Variants in ITSN1 observed in about 807,000 individuals in gnomAD.
The protein encoded by ITSN1 is intersectin 1.
A neutral mutation model predicts 239.8 loss-of-function variants in ITSN1; 58 were observed. The observed-to-expected ratio is 0.24, with a 90% CI of 0.20 to 0.30. The LOEUF is 0.30. ITSN1 is among the 10% of genes least tolerant of loss of function. The probability of loss-of-function intolerance (pLI) is 1.00; values close to 1 mark genes in which losing one functional copy is unlikely to be tolerated. For missense variants in ITSN1, 1,558 were observed against 2,103.3 expected, an observed-to-expected ratio of 0.74 and a Z score of 5.07; for synonymous variants, 780 against 770.8, an observed-to-expected ratio of 1.01 and a Z score of -0.20.
chr21:33,876,064 T>C (rs73203607), intron 34 of ITSN1, among the ~76,000 whole-genome samples: 5 of 149,258 alleles, frequency 3.3e-5, no homozygotes, highest in South Asian at 2.1e-4. Context: ...ATTTCTTTCT[T>C]TCTCTTTCTC....
At chr21:33,645,467 C>T (rs1234877920) in intron 1 of ITSN1, among the ~76,000 whole-genome samples, 1 of 151,464 alleles carries the variant, frequency 6.6e-6, no homozygotes, top group Non-Finnish European at 1.5e-5. Context: ...ACAGGGAAAC[C>T]TGGTCTCTAA....
chr21:33,870,924 T>C (rs1017614885), intron 33 of ITSN1, among the ~76,000 whole-genome samples: 1 of 152,146 alleles, frequency 6.6e-6, no homozygotes, highest in Non-Finnish European at 1.5e-5. Flanking sequence ...TGCACTCTAA[T>C]CCCCCTGAGT....
In ITSN1 at chr21:33,826,741, G is replaced by C. The variant is rs556487175; in HGVS notation, c.3184-77G>C. ...GGGGCTTTGGGGCTCAAGCGGGTTTGTATCATCATTAATCGTTTTTAAAGT... is the reference window on the plus strand; with the variant it reads ...GGGGCTTTGGGGCTCAAGCGGGTTTCTATCATCATTAATCGTTTTTAAAGT... On this transcript the variant is annotated intron_variant, in intron 25 of 39. Coordinates refer to ENST00000381318, the MANE Select transcript of ITSN1 (RefSeq NM_003024.3). The C allele has an allele frequency of 6.4e-5, 87 of 1,362,294 alleles. 1 individual carries two copies. The East Asian group carries it at 1.9e-3, about 30-fold the overall frequency. The allele number at this position is 1,362,294 out of a possible 1,614,324, so 84.4% of individuals were successfully genotyped here.
In ITSN1 at chr21:33,699,474, C is replaced by G. The variant is rs569722825; in HGVS notation, c.-32-19323C>G. ...CTGGCTGGGCACGGTGCCTCATGCA[C>G]TTTGGGAGGCTGAGGCGGGCAGATT... On this transcript the variant is annotated intron_variant, in intron 1 of 39. Coordinates refer to ENST00000381318, the MANE Select transcript of ITSN1 (RefSeq NM_003024.3). 3.3e-5 allele frequency among the ~76,000 whole-genome samples: 5 copies of G among 152,280 alleles called. No homozygotes were observed. The South Asian group carries it at 1.0e-3, about 32-fold the overall frequency.
chr21:33,665,959 C>T (rs1271402666), intron 1 of ITSN1, among the ~76,000 whole-genome samples: 28 of 149,518 alleles, frequency 1.9e-4, no homozygotes, highest in African/African-American at 6.9e-4. Context: ...GAGGGAGTCT[C>T]GCTCTGTTGC....
At position 33,885,037 on chromosome 21, in the gene ITSN1, C is replaced by T; in HGVS notation, c.4677-4C>T. ...TGGCAACTTTCTGTCTTTTTCTGTC[C>T]AAGGACTGCCTGGGTGCAGAAAATC... On this transcript the variant is annotated splice_region_variant and splice_polypyrimidine_tract_variant and intron_variant, in intron 36 of 39. Coordinates refer to ENST00000381318, the MANE Select transcript of ITSN1 (RefSeq NM_003024.3). The T allele has an allele frequency of 6.2e-7, 1 of 1,613,362 alleles. No individual in the cohort carries two copies. The highest frequency in any genetic ancestry group is 8.5e-7 in the Non-Finnish European group (1 of 1,179,370).
At chr21:33,874,166 A>AG (rs1266491808) in intron 33 of ITSN1, among the ~76,000 whole-genome samples, 2 of 147,326 alleles carry the variant, frequency 1.4e-5, no homozygotes, top group African/African-American at 4.9e-5. Flanking sequence ...CAAAAAAAAA[A>AG]AAAAAAAAAA....
At position 33,715,715 on chromosome 21, in the gene ITSN1, C is replaced by T. The variant is rs1181742722; in HGVS notation, c.-32-3082C>T. 2.6e-5 allele frequency among the ~76,000 whole-genome samples: 4 copies of T among 152,126 alleles called. 1 individual carries two copies. Among genetic ancestry groups the T allele is most frequent in the Non-Finnish European group, 5.9e-5 (4 of 68,012 alleles). On this transcript the variant is annotated intron_variant, in intron 1 of 39. Transcript: ENST00000381318. ...GGTGTCTTGACTACACTTGTTTTCT[C>T]CTTCCCTAAAGTCTGCAATAATCTC... is the stretch of plus-strand genomic sequence containing the variant.
At chr21:33,763,573 T>G (rs1233224169) in intron 9 of ITSN1, among the ~76,000 whole-genome samples, 1 of 152,190 alleles carries the variant, frequency 6.6e-6, no homozygotes. Context: ...TAGATGTGCC[T>G]TGGGGTACAA....
chr21:33,814,047 C>T lies in ITSN1; in HGVS notation c.2702C>T (p.Ser901Phe). 6.2e-7 allele frequency: 1 copy of T among 1,614,164 alleles called. No homozygotes were observed. Among genetic ancestry groups the T allele is most frequent in the South Asian group, 1.1e-5 (1 of 91,078 alleles). ...SAFTPATATG[S>F]SPSPVLGQGE... ...TTTACTCCAGCCACGGCCACTGGCT[C>T]CTCCCCGTCTCCTGTGCTAGGCCAG... The change falls in exon 22 of 40, where the codon TCC becomes TTC. Residue 901 changes from serine (S) to phenylalanine (F), a missense_variant. Ser to Phe is a radical substitution (Grantham distance 155). Transcript: ENST00000381318.
intron 29 of ITSN1, among the ~76,000 whole-genome samples, chr21:33,847,558 CAG>C (rs1433442759): frequency 2.0e-5 from 3 of 152,174 alleles, no homozygotes; most frequent in Non-Finnish European, 4.4e-5. Context: ...GGGCGTTGAG[CAG>C]AGAGAGTAGC....
At chr21:33,853,199 T>C (rs1371102826) in intron 29 of ITSN1, among the ~76,000 whole-genome samples, 1 of 152,184 alleles carries the variant, frequency 6.6e-6, no homozygotes, top group Admixed American at 6.5e-5. Flanking sequence ...GCAGTGGCCA[T>C]CAGGGCCATC....
chr21:33,827,461 G>A lies in ITSN1; in HGVS notation c.3229+598G>A, dbSNP rs549974357. On this transcript the variant is annotated intron_variant, in intron 26 of 39. Transcript: ENST00000381318. ...GATAAATAATTCAGGCAAGATGCTGGGAAGTTATAATACATGGAGCTGTAG... is the reference window on the plus strand; with the variant it reads ...GATAAATAATTCAGGCAAGATGCTGAGAAGTTATAATACATGGAGCTGTAG... 4.6e-5 allele frequency among the ~76,000 whole-genome samples: 7 copies of A among 152,146 alleles called. No homozygotes were observed. In the East Asian group the frequency reaches 1.2e-3, roughly 25 times the overall value.
At chr21:33,688,486 C>T (rs145034069) in intron 1 of ITSN1, among the ~76,000 whole-genome samples, 26 of 152,284 alleles carry the variant, frequency 1.7e-4, no homozygotes, top group Middle Eastern at 3.4e-3. Flanking sequence ...TTCTAAAATG[C>T]GTTCATTGAA....
intron 35 of ITSN1, 116 bp from the exon 36 acceptor site, chr21:33,883,434 G>A (rs1985259452): frequency 7.2e-7 from 1 of 1,398,414 alleles, no homozygotes; most frequent in African/African-American, 1.4e-5. Context: ...CACACGCGCT[G>A]ACTTGCAGTC....
chr21:33,850,224 T>G (rs2075114991), intron 29 of ITSN1, among the ~76,000 whole-genome samples: 1 of 152,184 alleles, frequency 6.6e-6, no homozygotes, highest in Admixed American at 6.5e-5. Flanking sequence ...AAAACAAAGC[T>G]TATTTGGAGT....
chr21:33,667,205 ATGGTGTAGTCTCTT>A (rs1043307422), intron 1 of ITSN1, among the ~76,000 whole-genome samples: 3 of 150,744 alleles, frequency 2.0e-5, no homozygotes, highest in African/African-American at 7.3e-5. Context: ...ATAATATATG[ATGGTGTAGTCTCTT>A]TGTTGGCTAA....
intron 17 of ITSN1, 52 bp downstream of exon 17, chr21:33,794,520 C>T: frequency 6.4e-7 from 1 of 1,561,398 alleles, no homozygotes; most frequent in Admixed American, 2.0e-5. Flanking sequence ...TGAGGATTTA[C>T]TATTCTTTGC....
intron 29 of ITSN1, among the ~76,000 whole-genome samples, chr21:33,841,191 G>C (rs759744993): frequency 6.6e-6 from 1 of 152,244 alleles, no homozygotes; most frequent in African/African-American, 2.4e-5. Context: ...AATCTGGGCA[G>C]ACCCAGGCCG....
Sources: allele counts gnomAD v4.1 joint callset (sites outside exome capture counted in the v4.1 genomes callset), GRCh38; gene constraint gnomAD v4.1.1; transcripts MANE v1.5; gene names NCBI Gene and HGNC (gene_info 2026-07-23, HGNC 2026-07-21).